SCML4: variants seen among roughly 807,000 people sequenced by gnomAD.
SCML4 encodes Scm polycomb group protein like 4, also known as sex comb on midleg-like protein 4.
A neutral mutation model predicts 41.1 loss-of-function variants in SCML4; 34 were observed. The ratio of observed to expected loss-of-function variants is 0.83; its 90% CI spans 0.63 to 1.10. The LOEUF (loss-of-function observed/expected upper bound fraction) is 1.10, where lower values mean the gene tolerates loss of function less well. SCML4 is among the 50% of genes least tolerant of loss of function. The probability of loss-of-function intolerance (pLI) is 0.00; values close to 1 mark genes in which losing one functional copy is unlikely to be tolerated. For synonymous variants in SCML4, 214 were observed against 220.9 expected, an observed-to-expected ratio of 0.97 and a Z score of 0.28; for missense variants, 522 against 534.1, an observed-to-expected ratio of 0.98 and a Z score of 0.22.
chr6:107,802,934 C>T (rs1211017632), intron 1 of SCML4, among the ~76,000 whole-genome samples: 3 of 151,872 alleles, frequency 2.0e-5, no homozygotes, highest in Admixed American at 1.3e-4. Context: ...TTGGTGGAGA[C>T]GGGTTTTCGC....
chr6:107,716,010 G>T (rs1414213107), intron 6 of SCML4, among the ~76,000 whole-genome samples: 2 of 152,084 alleles, frequency 1.3e-5, no homozygotes, highest in Non-Finnish European at 2.9e-5. Context: ...TGGGGTGTGG[G>T]GGGACCCACA....
intron 7 of SCML4, among the ~76,000 whole-genome samples, chr6:107,705,957 C>T (rs61153704): frequency 0.012 from 1,864 of 152,258 alleles, 49 homozygotes; most frequent in African/African-American, 0.043. Flanking sequence ...TGAAAATGGT[C>T]ACCCTCCAGA....
At chr6:107,768,142 G>T (rs547070663) in intron 2 of SCML4, among the ~76,000 whole-genome samples, 1 of 151,592 alleles carries the variant, frequency 6.6e-6, no homozygotes, top group African/African-American at 2.4e-5. Flanking sequence ...GCATGGTGAC[G>T]TGCATCTGTA....
chr6:107,780,732 TAA>T (rs11316650), intron 1 of SCML4, among the ~76,000 whole-genome samples: 1 of 143,168 alleles, frequency 7.0e-6, no homozygotes, highest in Non-Finnish European at 1.5e-5. Context: ...TAATAAAACT[TAA>T]AAAAAAAAAA....
chr6:107,735,724 T>A (rs1353365330), intron 5 of SCML4, among the ~76,000 whole-genome samples: 3 of 151,122 alleles, frequency 2.0e-5, no homozygotes, highest in Admixed American at 2.0e-4. Context: ...ACTTGAACCC[T>A]GGAGGTGGAG....
chr6:107,804,889 G>A (rs761263669), intron 1 of SCML4, among the ~76,000 whole-genome samples: 2 of 152,182 alleles, frequency 1.3e-5, no homozygotes, highest in Non-Finnish European at 2.9e-5. Context: ...AGGATCTCTC[G>A]AGGCCTGGAG....
rs1332219769 is a variant in SCML4 at position 107,745,070 on chromosome 6, G to A, written c.561C>T (p.Arg187=). The A allele has an allele frequency of 3.7e-6, 6 of 1,613,900 alleles. No homozygotes were observed. Among genetic ancestry groups the A allele is most frequent in the Admixed American group, 1.7e-5 (1 of 60,010 alleles). The change falls in exon 5 of 8, where the codon CGC becomes CGT. Residue 187 remains arginine (R), a synonymous_variant. Coordinates refer to ENST00000369020, the MANE Select transcript of SCML4 (RefSeq NM_198081.5). ...GGCTTCGGCACAGCTTGGCGAGGAA[G>A]CGGAGGACATAGCCGATGCTGTTCA... ...PVVNSIGYVL[R]FLAKLCRSLL... is the part of the protein sequence containing the mutation.
chr6:107,735,571 G>A (rs1402225484), intron 5 of SCML4, among the ~76,000 whole-genome samples: 3 of 152,010 alleles, frequency 2.0e-5, no homozygotes, highest in Non-Finnish European at 2.9e-5. Context: ...GGCTGAGGCA[G>A]GTGAATTACT....
At chr6:107,807,852 T>G (rs1020200002) in intron 1 of SCML4, among the ~76,000 whole-genome samples, 143 of 152,254 alleles carry the variant, frequency 9.4e-4, no homozygotes, top group African/African-American at 3.0e-3. Flanking sequence ...AATTATCTTC[T>G]ATTCACGCTA....
intron 3 of SCML4, 62 bp downstream of exon 3, chr6:107,749,622 G>T: frequency 1.3e-6 from 2 of 1,576,050 alleles, no homozygotes; most frequent in Non-Finnish European, 8.6e-7. Flanking sequence ...GTAACAATTA[G>T]ATGGTAGCTG....
chr6:107,752,954 A>C (rs541081714), intron 2 of SCML4, among the ~76,000 whole-genome samples: 23 of 152,290 alleles, frequency 1.5e-4, no homozygotes, highest in African/African-American at 5.3e-4. Flanking sequence ...TCCTGATTGG[A>C]AAAATGGAAA....
intron 2 of SCML4, among the ~76,000 whole-genome samples, chr6:107,764,436 C>T (rs1779870729): frequency 6.6e-6 from 1 of 152,152 alleles, no homozygotes; most frequent in South Asian, 2.1e-4. Context: ...TGGAATGGCC[C>T]ACCCTTTCTT....
chr6:107,790,061 C>G (rs142758822), intron 1 of SCML4, among the ~76,000 whole-genome samples: 4 of 152,164 alleles, frequency 2.6e-5, no homozygotes, highest in Non-Finnish European at 5.9e-5. Context: ...TCTAGTCCAG[C>G]CTTTCAGCAC....
chr6:107,792,498 G>A (rs1179029158), intron 1 of SCML4, among the ~76,000 whole-genome samples: 8 of 152,104 alleles, frequency 5.3e-5, no homozygotes, highest in African/African-American at 1.7e-4. Flanking sequence ...TTAGGAGGCC[G>A]AGGCAGGCGG....
At chr6:107,749,121 C>T (rs1188471056) in intron 3 of SCML4, among the ~76,000 whole-genome samples, 2 of 151,582 alleles carry the variant, frequency 1.3e-5, no homozygotes, top group African/African-American at 2.4e-5. Flanking sequence ...TGTGTGTGTG[C>T]GCGTGTGTGT....
intron 1 of SCML4, among the ~76,000 whole-genome samples, chr6:107,812,159 G>A (rs1411938294): frequency 6.6e-6 from 1 of 152,234 alleles, no homozygotes; most frequent in Admixed American, 6.5e-5. Flanking sequence ...CATGAGGGCA[G>A]CTGGAATTCT....
intron 1 of SCML4, among the ~76,000 whole-genome samples, chr6:107,789,695 C>T (rs1354566732): frequency 6.6e-6 from 1 of 152,198 alleles, no homozygotes; most frequent in Non-Finnish European, 1.5e-5. Flanking sequence ...ATCTCTGAGT[C>T]GTCCCTGAAC....
intron 1 of SCML4, among the ~76,000 whole-genome samples, chr6:107,821,176 CT>C (rs1784919115): frequency 6.6e-6 from 1 of 152,050 alleles, no homozygotes; most frequent in Admixed American, 6.6e-5. Context: ...GCTTTTGTGA[CT>C]CATTAATTAA....
intron 1 of SCML4, among the ~76,000 whole-genome samples, chr6:107,809,463 G>A (rs967139587): frequency 6.6e-5 from 10 of 152,234 alleles, no homozygotes; most frequent in African/African-American, 2.4e-4. Context: ...TGGTCCCTGT[G>A]AAGGGTGCTA....
Sources: allele counts gnomAD v4.1 joint callset (sites outside exome capture counted in the v4.1 genomes callset), GRCh38; gene constraint gnomAD v4.1.1; transcripts MANE v1.5; gene names NCBI Gene and HGNC (gene_info 2026-07-23, HGNC 2026-07-21).